CDH3: variants seen among roughly 807,000 people sequenced by gnomAD.
CDH3 encodes the protein cadherin-3.
A neutral mutation model predicts 82.0 loss-of-function variants in CDH3; 54 were observed. The ratio of observed to expected loss-of-function variants is 0.66; its 90% confidence interval spans 0.53 to 0.83. The LOEUF is 0.83. CDH3 is among the 40% of genes least tolerant of loss of function. The probability of loss-of-function intolerance (pLI) is 0.00; values close to 1 mark genes in which losing one functional copy is unlikely to be tolerated. For synonymous variants in CDH3, 446 were observed against 437.9 expected (o/e 1.02, Z -0.23); for missense variants, 1,054 against 1,084.6 (o/e 0.97, Z 0.40).
chr16:68,645,379 C>T lies in CDH3; in HGVS notation c.-1C>T, dbSNP rs1960016883. On this transcript the variant is annotated 5_prime_UTR_variant, in exon 1 of 16. Transcript: ENST00000264012. ...GCTGCTTCACCCCTCTCTCTGCAGC[C>T]ATGGGGCTCCCTCGTGGACCTCTCG... 6.2e-7 allele frequency: 1 copy of T among 1,613,238 alleles called. No homozygotes were observed.
chr16:68,715,922 T>A (rs1962090136), intron 1 of CDH3, among the ~76,000 whole-genome samples: 1 of 152,216 alleles, frequency 6.6e-6, no homozygotes, highest in South Asian at 2.1e-4. Flanking sequence ...GACCTGCCCA[T>A]ACAATTTCTC....
intron 1 of CDH3, among the ~76,000 whole-genome samples, chr16:68,718,235 C>T (rs1365780764): frequency 6.6e-6 from 1 of 152,142 alleles, no homozygotes; most frequent in African/African-American, 2.4e-5. Flanking sequence ...AACTTCTGAG[C>T]TCAAGTGATC....
chr16:68,686,292 CT>C, intron 11 of CDH3: 1 of 716,624 alleles, frequency 1.4e-6, no homozygotes, highest in Non-Finnish European at 2.5e-6. Flanking sequence ...CCCAGGCGGT[CT>C]TTTCACGTGT....
At chr16:68,728,086 T>TA (rs1409600170), downstream of CDH3, among the ~76,000 whole-genome samples, 1 of 152,234 alleles carries the variant, frequency 6.6e-6, no homozygotes, top group African/African-American at 2.4e-5. Flanking sequence ...GCCTGATACA[T>TA]AATTGGCTTT....
chr16:68,687,459 G>C (rs975917195), intron 11 of CDH3, 53 bp from the exon 12 acceptor site: 1 of 1,470,438 alleles, frequency 6.8e-7, no homozygotes, highest in African/African-American at 1.4e-5. Flanking sequence ...GAGCCCCCCT[G>C]AGGCTGACTG....
chr16:68,646,434 G>C (rs1258510751), intron 2 of CDH3, among the ~76,000 whole-genome samples: 1 of 151,940 alleles, frequency 6.6e-6, no homozygotes, highest in Admixed American at 6.6e-5. Flanking sequence ...TCCCAAGCTG[G>C]CAGGCCTGGG....
chr16:68,665,686 G>A (rs1960714184), intron 2 of CDH3, among the ~76,000 whole-genome samples: 1 of 152,124 alleles, frequency 6.6e-6, no homozygotes, highest in Non-Finnish European at 1.5e-5. Context: ...TGGTCCTTGA[G>A]GATGGTAGCC....
At chr16:68,731,342 T>A (rs1962283450), downstream of CDH3, among the ~76,000 whole-genome samples, 1 of 94,954 alleles carries the variant, frequency 1.1e-5, no homozygotes, top group Non-Finnish European at 1.9e-5. Flanking sequence ...CACTCCAGCC[T>A]GGGCAACAAG....
intron 12 of CDH3, among the ~76,000 whole-genome samples, chr16:68,689,889 G>A (rs529991378): frequency 6.6e-6 from 1 of 152,254 alleles, no homozygotes; most frequent in Admixed American, 6.5e-5. Context: ...CCAGTGATTG[G>A]GGGCACTACG....
intron 2 of CDH3, among the ~76,000 whole-genome samples, chr16:68,674,333 C>T (rs1960972989): frequency 6.6e-6 from 1 of 152,126 alleles, no homozygotes; most frequent in Non-Finnish European, 1.5e-5. Context: ...TGTATCTTCT[C>T]TGGAGAAAGG....
rs374438624 is a variant in CDH3, at chr16:68,685,407, G to C, written c.1570+57G>C. 7.7e-5 allele frequency: 120 copies of C among 1,567,850 alleles called. No individual in the cohort carries two copies. The African/African-American group carries it at 1.4e-3, about 18-fold the overall frequency. ...GCCACTTTTGGTTCTCAGGTCACAT[G>C]ACACAGCACAGCATGTTTCCTCCAC... On this transcript the variant is annotated intron_variant, in intron 11 of 15. Transcript: ENST00000264012.
intron 11 of CDH3, among the ~76,000 whole-genome samples, chr16:68,685,618 C>T (rs1372075224): frequency 2.6e-5 from 4 of 151,984 alleles, no homozygotes; most frequent in African/African-American, 9.7e-5. Context: ...CCAGCCTGGC[C>T]AACATGGTGA....
At chr16:68,689,359 C>T (rs558590640) in intron 12 of CDH3, among the ~76,000 whole-genome samples, 2 of 152,098 alleles carry the variant, frequency 1.3e-5, no homozygotes, top group Admixed American at 6.5e-5. Flanking sequence ...TGGTGAAACC[C>T]TGTCTCTACT....
chr16:68,722,148 T>TTGGGTTGTAAATCCC lies in CDH3; in HGVS notation c.100-273_100-259dup, dbSNP rs1962172075. Among the ~76,000 whole-genome samples the TTGGGTTGTAAATCCC allele has an allele frequency of 3.3e-5, 5 of 152,188 alleles. No individual in the cohort carries two copies. The South Asian group carries it at 1.0e-3, about 32-fold the overall frequency. ...GCTTATTGCTCTGGGTTGTAAATCC[T>TTGGGTTGTAAATCCC]TGGGTTGTAAATCCCTGGCTCCCTT... On this transcript the variant is annotated intron_variant, in intron 1 of 2. Coordinates refer to the CDH3 transcript ENST00000569080.
At chr16:68,658,684 C>G (rs1309884254) in intron 2 of CDH3, among the ~76,000 whole-genome samples, 1 of 152,176 alleles carries the variant, frequency 6.6e-6, no homozygotes, top group Non-Finnish European at 1.5e-5. Context: ...CTGCCTTCTC[C>G]CTGTAGAGTC....
intron 2 of CDH3, chr16:68,651,219 G>A: frequency 5.7e-6 from 3 of 523,230 alleles, no homozygotes; most frequent in South Asian, 4.4e-5. Context: ...CCATCTGCAG[G>A]GACACGGAGG....
rs1961118244 is a variant in CDH3, at chr16:68,678,867, G to T, written c.652G>T (p.Asp218Tyr). Reference protein sequence around the residue: ...QNDHKPKFTQDTFRGSVLEGV... With the variant: ...QNDHKPKFTQYTFRGSVLEGV... ...TGACCACAAGCCCAAGTTTACCCAG[G>T]ACACCTTCCGAGGGAGTGTCTTAGA... The change falls in exon 6 of 16, where the codon GAC becomes TAC. Residue 218 changes from aspartate to tyrosine, a missense_variant. Asp to Tyr is a radical substitution (Grantham distance 160). Coordinates refer to ENST00000264012, the MANE Select transcript of CDH3 (RefSeq NM_001793.6). 3 of 1,613,922 alleles carry T rather than the reference G, an allele frequency of 1.9e-6. No individual in the cohort carries two copies. The highest frequency in any genetic ancestry group is 2.5e-6 in the Non-Finnish European group (3 of 1,180,044).
chr16:68,675,568 G>T (rs1597804685), intron 2 of CDH3, among the ~76,000 whole-genome samples: 1 of 152,114 alleles, frequency 6.6e-6, no homozygotes, highest in Admixed American at 6.5e-5. Flanking sequence ...AGACCGAGGC[G>T]GGTGGATCAC....
intron 2 of CDH3, among the ~76,000 whole-genome samples, chr16:68,723,913 C>T (rs1255471136): frequency 5.9e-5 from 9 of 152,090 alleles, no homozygotes; most frequent in Admixed American, 2.6e-4. Context: ...ACTAAAAATA[C>T]AAAAAATTAG....
Sources: allele counts gnomAD v4.1 joint callset (sites outside exome capture counted in the v4.1 genomes callset), GRCh38; gene constraint gnomAD v4.1.1; transcripts MANE v1.5; gene names NCBI Gene and HGNC (gene_info 2026-07-23, HGNC 2026-07-21).